The following NCAM1 variants were observed in gnomAD, a reference collection of about 807,000 sequenced individuals.
The protein encoded by NCAM1 is neural cell adhesion molecule 1.
A neutral mutation model predicts 109.8 loss-of-function variants in NCAM1; 14 were observed. The ratio of observed to expected loss-of-function variants is 0.13; its 90% CI spans 0.08 to 0.20. The LOEUF is 0.20. Among genes scored for constraint, NCAM1 ranks in the 10% least tolerant of loss-of-function variants. The pLI, the probability that NCAM1 is intolerant of heterozygous loss-of-function variation, is 1.00. For missense variants in NCAM1, 774 were observed against 1,109.9 expected, an observed-to-expected ratio of 0.70 and a Z score of 4.30; for synonymous variants, 418 against 442.9, an observed-to-expected ratio of 0.94 and a Z score of 0.70.
At chr11:113,166,638 G>T (rs1175452137) in intron 1 of NCAM1, among the ~76,000 whole-genome samples, 1 of 152,178 alleles carries the variant, frequency 6.6e-6, no homozygotes, top group Non-Finnish European at 1.5e-5. Flanking sequence ...GCTGAGTGAT[G>T]ATAACAAATA....
In NCAM1 at chr11:113,255,671, A is replaced by T. The variant is rs1473002502; in HGVS notation, c.1829-206A>T. 2.0e-5 allele frequency among the ~76,000 whole-genome samples: 3 copies of T among 151,324 alleles called. No homozygotes were observed. The East Asian group carries it at 5.9e-4, about 30-fold the overall frequency. ...TGCTCACAGGAAGGCTATTTACCAG[A>T]ACATTCCCAAGAGGCACTCTCAGTT... On this transcript the variant is annotated intron_variant, in intron 15 of 19. Coordinates refer to ENST00000316851, the MANE Select transcript of NCAM1 (RefSeq NM_181351.5).
intron 19 of NCAM1, among the ~76,000 whole-genome samples, chr11:113,272,694 C>T (rs1250179975): frequency 6.6e-6 from 1 of 152,144 alleles, no homozygotes; most frequent in African/African-American, 2.4e-5. Context: ...CAGGGAAGGG[C>T]TAGCAGGTCC....
intron 17 of NCAM1, among the ~76,000 whole-genome samples, chr11:113,265,588 GAGA>G (rs1946120830): frequency 6.6e-6 from 1 of 152,220 alleles, no homozygotes; most frequent in South Asian, 2.1e-4. Flanking sequence ...GGGAATCTGA[GAGA>G]AGATTCTCTT....
intron 14 of NCAM1, among the ~76,000 whole-genome samples, chr11:113,237,187 A>G (rs1945191475): frequency 1.3e-5 from 2 of 152,120 alleles, no homozygotes; most frequent in Admixed American, 1.3e-4. Flanking sequence ...AGCCTGCAGA[A>G]ATGCCCCTAA....
chr11:113,127,762 G>A (rs11214508), intron 1 of NCAM1, among the ~76,000 whole-genome samples: 14,112 of 152,230 alleles, frequency 0.093, 936 homozygotes, highest in East Asian at 0.26. Context: ...GCTCAGCAGC[G>A]TCCCTTCCTA....
At chr11:113,245,586 C>A (rs1255726694) in intron 14 of NCAM1, among the ~76,000 whole-genome samples, 1 of 152,210 alleles carries the variant, frequency 6.6e-6, no homozygotes, top group Non-Finnish European at 1.5e-5. Flanking sequence ...CCCTAGTCTG[C>A]ACTGGCCTCT....
At chr11:113,097,893 C>T (rs1323068970) in intron 1 of NCAM1, among the ~76,000 whole-genome samples, 6 of 152,060 alleles carry the variant, frequency 3.9e-5, no homozygotes, top group African/African-American at 1.4e-4. Context: ...TATTTATCTC[C>T]TGTTGCAGGG....
In NCAM1 at chr11:113,212,838, G is replaced by A. The variant is rs147179759; in HGVS notation, c.917-1531G>A. Among the ~76,000 whole-genome samples the A allele has an allele frequency of 6.9e-3, 1,056 of 151,954 alleles. 11 individuals carry two copies. Among genetic ancestry groups the A allele is most frequent in the African/African-American group, 0.024 (994 of 41,430 alleles). ...ACGAGTTGTAATATTCTCAAAAATCGTACTTATTAAGGAAAACACAATAGG... is the reference window on the plus strand; with the variant it reads ...ACGAGTTGTAATATTCTCAAAAATCATACTTATTAAGGAAAACACAATAGG... On this transcript the variant is annotated intron_variant, in intron 7 of 19. Coordinates refer to ENST00000316851, the MANE Select transcript of NCAM1 (RefSeq NM_181351.5).
At chr11:113,102,647 C>G (rs540235810) in intron 1 of NCAM1, among the ~76,000 whole-genome samples, 1 of 152,160 alleles carries the variant, frequency 6.6e-6, no homozygotes, top group Non-Finnish European at 1.5e-5. Flanking sequence ...TATTTACTTA[C>G]TTACTTTCTT....
intron 1 of NCAM1, among the ~76,000 whole-genome samples, chr11:113,002,746 A>G (rs948406028): frequency 3.3e-5 from 5 of 152,306 alleles, no homozygotes; most frequent in Middle Eastern, 3.4e-3. Flanking sequence ...TGTGGCAGAG[A>G]GGAATTGTAG....
At chr11:113,133,213 CAGG>C in intron 1 of NCAM1, 1 of 152,312 alleles carries the variant, frequency 6.6e-6, no homozygotes, top group East Asian at 1.9e-4. Context: ...ATTATGATGG[CAGG>C]AGAAGTGTCC....
At chr11:113,131,502 G>A (rs1189192203) in intron 1 of NCAM1, among the ~76,000 whole-genome samples, 2 of 152,218 alleles carry the variant, frequency 1.3e-5, no homozygotes, top group East Asian at 3.9e-4. Flanking sequence ...GCACACAGAT[G>A]TATCTAATGG....
At chr11:112,974,568 A>G (rs1280805982) in intron 1 of NCAM1, among the ~76,000 whole-genome samples, 1 of 152,034 alleles carries the variant, frequency 6.6e-6, no homozygotes, top group Non-Finnish European at 1.5e-5. Context: ...TATAAGTCCA[A>G]CTACTATTTT....
intron 2 of NCAM1, 79 bp downstream of exon 2, chr11:113,202,532 T>C (rs1489848002): frequency 1.5e-6 from 2 of 1,300,974 alleles, no homozygotes. Context: ...TCAGGCCATG[T>C]GAGCTGGCTG....
chr11:113,266,019 C>T (rs1395784089), intron 17 of NCAM1, among the ~76,000 whole-genome samples: 3 of 152,162 alleles, frequency 2.0e-5, no homozygotes, highest in Admixed American at 2.0e-4. Flanking sequence ...GCTCTGACCT[C>T]GAGGTTATGG....
intron 1 of NCAM1, among the ~76,000 whole-genome samples, chr11:113,028,150 T>C (rs1952610607): frequency 6.6e-6 from 1 of 152,168 alleles, no homozygotes. Flanking sequence ...TATCAATGTA[T>C]TGTATATTTC....
At chr11:113,260,103 T>C (rs781830052) in intron 16 of NCAM1, 43 bp from the exon 17 acceptor site, 3 of 1,544,816 alleles carry the variant, frequency 1.9e-6, no homozygotes, top group Non-Finnish European at 2.6e-6. Context: ...TATCTAAAGC[T>C]TTTTTGGTCT....
intron 9 of NCAM1, among the ~76,000 whole-genome samples, chr11:113,230,556 A>C (rs1378217551): frequency 6.6e-6 from 1 of 152,214 alleles, no homozygotes; most frequent in Non-Finnish European, 1.5e-5. Flanking sequence ...ATGACATTGC[A>C]ATTCTGGGCT....
At chr11:113,083,095 A>G (rs527281149) in intron 1 of NCAM1, among the ~76,000 whole-genome samples, 4 of 151,986 alleles carry the variant, frequency 2.6e-5, no homozygotes, top group African/African-American at 9.7e-5. Context: ...CCATAGGGCA[A>G]ATTGTTAGAC....
Sources: gnomAD v4.1 joint callset for allele counts (sites outside exome capture counted in the v4.1 genomes callset) on GRCh38, gnomAD v4.1.1 for gene constraint, MANE v1.5 for transcripts, NCBI Gene and HGNC (gene_info 2026-07-23, HGNC 2026-07-21) for gene names.